Variants in DRC1 observed in about 807,000 individuals in gnomAD.
DRC1 encodes dynein regulatory complex protein 1.
DRC1 carries 74 observed loss-of-function variants against 98.7 expected under a neutral mutation model. The ratio of observed to expected loss-of-function variants is 0.75; its 90% CI spans 0.62 to 0.91. The LOEUF (loss-of-function observed/expected upper bound fraction) is 0.91, where lower values mean the gene tolerates loss of function less well. DRC1 is among the 40% of genes least tolerant of loss of function. The pLI is 0.00. For synonymous variants in DRC1, 336 were observed against 334.1 expected (o/e 1.01, Z -0.06); for missense variants, 875 against 886.0 (o/e 0.99, Z 0.16).
chr2:26,414,082 G>T (rs1364893102), intron 1 of DRC1, among the ~76,000 whole-genome samples: 1 of 148,794 alleles, frequency 6.7e-6, no homozygotes, highest in Non-Finnish European at 1.5e-5. Flanking sequence ...AATCCATATG[G>T]AATATATATT....
intron 1 of DRC1, among the ~76,000 whole-genome samples, chr2:26,404,355 T>A (rs1007866395): frequency 6.6e-6 from 1 of 152,236 alleles, no homozygotes; most frequent in Non-Finnish European, 1.5e-5. Context: ...GTGAACTTCC[T>A]GATTATTTTT....
chr2:26,405,113 G>A (rs771430022), intron 1 of DRC1, among the ~76,000 whole-genome samples: 1 of 152,170 alleles, frequency 6.6e-6, no homozygotes, highest in Non-Finnish European at 1.5e-5. Flanking sequence ...TCTGAACACT[G>A]GCTTAGGTTC....
Position 26,444,131 on chromosome 2 carries a change from G to A in DRC1, c.1029-91G>A. 12 of 1,567,842 alleles carry A rather than the reference G, an allele frequency of 7.7e-6. No individual in the cohort carries two copies. In the South Asian group the frequency reaches 1.3e-4, roughly 17 times the overall value. Reference sequence around the variant, plus strand: ...CTGCTCTTCCACAGATCTGCTCCTGGGTTTGTGGTAGAGCTGAATCAGGTG... The same window carrying A: ...CTGCTCTTCCACAGATCTGCTCCTGAGTTTGTGGTAGAGCTGAATCAGGTG... On this transcript the variant is annotated intron_variant, in intron 8 of 16. Coordinates refer to ENST00000288710, the MANE Select transcript of DRC1 (RefSeq NM_145038.5).
rs535204919 is a variant in DRC1, at chr2:26,430,475, A to G, written c.679-311A>G. 103 of 506,368 alleles carry G rather than the reference A, an allele frequency of 2.0e-4. No homozygotes were observed. The Admixed American group carries it at 2.3e-3, about 12-fold the overall frequency. The allele number at this position is 506,368 out of a possible 1,614,324, so 31.4% of individuals were successfully genotyped here. A position where few individuals can be genotyped will look rare whatever the true frequency, so the allele number is the denominator to read the frequency against. On this transcript the variant is annotated intron_variant, in intron 5 of 16. Coordinates refer to ENST00000288710, the MANE Select transcript of DRC1 (RefSeq NM_145038.5). ...GGTAGTCACAGTTGAATTACACACC[A>G]TGGCCTGCCGTGTGACTGCCAACAG...
chr2:26,402,301 C>A (rs1017108656), intron 1 of DRC1, among the ~76,000 whole-genome samples, 157 bp downstream of exon 1: 2 of 152,252 alleles, frequency 1.3e-5, no homozygotes, highest in African/African-American at 4.8e-5. Flanking sequence ...GTCATCCCAG[C>A]ACTTAGGGAG....
At chr2:26,421,229 C>G in intron 2 of DRC1, 59 bp from the exon 3 acceptor site, 1 of 1,516,380 alleles carries the variant, frequency 6.6e-7, no homozygotes, top group Non-Finnish European at 9.0e-7. Flanking sequence ...ATGTTTCAGA[C>G]TTTATATATT....
chr2:26,456,633 C>T lies in DRC1; in HGVS notation c.*116C>T. 1 of 1,246,460 alleles carries T rather than the reference C, an allele frequency of 8.0e-7. No individual in the cohort carries two copies. Among genetic ancestry groups the T allele is most frequent in the Non-Finnish European group, 1.2e-6 (1 of 866,840 alleles). The allele number at this position is 1,246,460 out of a possible 1,614,324, so 77.2% of individuals were successfully genotyped here. On this transcript the variant is annotated 3_prime_UTR_variant, in exon 17 of 17. Transcript: ENST00000288710. ...GGCCTGCTCTCTGGATTTTCCAGGGCTGTCTTTATAGCCTGTCGAAATAAG... is the reference window on the plus strand; with the variant it reads ...GGCCTGCTCTCTGGATTTTCCAGGGTTGTCTTTATAGCCTGTCGAAATAAG...
chr2:26,414,337 A>G lies in DRC1; in HGVS notation c.156-7A>G. 3 of 1,612,828 alleles carry G rather than the reference A, an allele frequency of 1.9e-6. No homozygotes were observed. The highest frequency in any genetic ancestry group is 1.3e-5 in the African/African-American group (1 of 74,872). ...AACTTCATTTTCTCTGCTTTTTTCC[A>G]TCACAGGGAAGCACTTGGAGAATAT... On this transcript the variant is annotated splice_polypyrimidine_tract_variant and splice_region_variant and intron_variant, in intron 1 of 16. Coordinates refer to ENST00000288710, the MANE Select transcript of DRC1 (RefSeq NM_145038.5).
chr2:26,413,949 GTCTC>G (rs1044503286), intron 1 of DRC1, among the ~76,000 whole-genome samples: 47 of 151,808 alleles, frequency 3.1e-4, no homozygotes, highest in African/African-American at 1.0e-3. Context: ...TAGAGATAGT[GTCTC>G]TCTATGTTGC....
At chr2:26,432,574 GAAAAA>G (rs1363461642) in intron 7 of DRC1, among the ~76,000 whole-genome samples, 1 of 131,964 alleles carries the variant, frequency 7.6e-6, no homozygotes, top group Non-Finnish European at 1.6e-5. Context: ...AGGAAGGAAG[GAAAAA>G]GAAAAGAAAA....
intron 1 of DRC1, among the ~76,000 whole-genome samples, chr2:26,407,222 T>TA (rs989074982): frequency 6.6e-6 from 1 of 151,834 alleles, no homozygotes; most frequent in Non-Finnish European, 1.5e-5. Context: ...GGGGATTAAG[T>TA]AAAAAAGACG....
At chr2:26,443,783 G>A (rs1242220999) in intron 8 of DRC1, among the ~76,000 whole-genome samples, 4 of 152,218 alleles carry the variant, frequency 2.6e-5, no homozygotes. Context: ...ATGTATCATA[G>A]GCTTTTGTGA....
At chr2:26,445,690 C>T (rs1194150451) in intron 10 of DRC1, among the ~76,000 whole-genome samples, 2 of 152,052 alleles carry the variant, frequency 1.3e-5, no homozygotes, top group African/African-American at 2.4e-5. Flanking sequence ...GACAGAGTCT[C>T]GCTCTGTTGC....
intron 12 of DRC1, 71 bp from the exon 13 acceptor site, chr2:26,450,521 C>T: frequency 7.2e-7 from 1 of 1,384,142 alleles, no homozygotes; most frequent in Non-Finnish European, 1.0e-6. Context: ...AGGAGCTGAG[C>T]ATCTGTCAGC....
At chr2:26,407,726 G>A (rs981596399) in intron 1 of DRC1, among the ~76,000 whole-genome samples, 3 of 151,810 alleles carry the variant, frequency 2.0e-5, no homozygotes, top group Non-Finnish European at 2.9e-5. Flanking sequence ...CTTCCTGGAC[G>A]ACTGCCAACT....
At chr2:26,429,865 T>G (rs1013918999) in intron 5 of DRC1, 100 bp downstream of exon 5, 3 of 1,278,932 alleles carry the variant, frequency 2.3e-6, no homozygotes, top group South Asian at 1.5e-5. Flanking sequence ...ACATGACTTC[T>G]CTGTCCGCTG....
chr2:26,402,791 G>A (rs983340217), intron 1 of DRC1, among the ~76,000 whole-genome samples: 2 of 152,186 alleles, frequency 1.3e-5, no homozygotes, highest in African/African-American at 4.8e-5. Flanking sequence ...ATTGCCCACC[G>A]TCTGGAGCAC....
rs77226260 is a variant in DRC1 at position 26,444,911 on chromosome 2, C to T, written c.1359C>T (p.Ser453=). 11,907 of 1,614,062 alleles carry T rather than the reference C, an allele frequency of 7.4e-3. 369 individuals are homozygous for T. The highest frequency in any genetic ancestry group is 0.067 in the South Asian group (6,059 of 91,066). Residue 453 remains serine (S), a synonymous_variant, in exon 10 of 17, where the codon TCC becomes TCT. Transcript: ENST00000288710. The part of the protein sequence containing the change: ...VGPISQQPQK[S]ATQIVEEMLM... ...CTATTTCTCAGCAGCCCCAGAAGTCCGCCACACAGATAGTAGAAGAAATGC... is the reference window on the plus strand; with the variant it reads ...CTATTTCTCAGCAGCCCCAGAAGTCTGCCACACAGATAGTAGAAGAAATGC...
chr2:26,407,148 G>A (rs1166321730), intron 1 of DRC1, among the ~76,000 whole-genome samples: 2 of 151,916 alleles, frequency 1.3e-5, no homozygotes, highest in Admixed American at 6.6e-5. Context: ...GTAAAGATGC[G>A]AGATGGAACA....
Sources: gnomAD v4.1 joint callset for allele counts (sites outside exome capture counted in the v4.1 genomes callset) on GRCh38, gnomAD v4.1.1 for gene constraint, MANE v1.5 for transcripts, NCBI Gene and HGNC (gene_info 2026-07-23, HGNC 2026-07-21) for gene names.